Variants in MED13L observed in about 807,000 individuals in gnomAD.
The protein encoded by MED13L is mediator complex subunit 13L.
Under a neutral mutation model 220.9 loss-of-function variants are expected in MED13L, and 7 were observed. The observed-to-expected ratio is 0.03, with a 90% CI of 0.02 to 0.06. The LOEUF (loss-of-function observed/expected upper bound fraction) is 0.06, where lower values mean the gene tolerates loss of function less well. Ranked by LOEUF, MED13L falls within the 10% of genes least tolerant of loss-of-function variation. The probability of loss-of-function intolerance (pLI) is 1.00; values close to 1 mark genes in which losing one functional copy is unlikely to be tolerated. For synonymous variants in MED13L, 1,011 were observed against 1,015.2 expected (o/e 1.00, Z 0.08); for missense variants, 1,965 against 2,760.5 (o/e 0.71, Z 6.46).
chr12:116,160,568 G>A (rs1878778783), intron 2 of MED13L, among the ~76,000 whole-genome samples: 2 of 149,802 alleles, frequency 1.3e-5, no homozygotes, highest in African/African-American at 2.4e-5. Context: ...AGGCTGGACT[G>A]GATCCAAACT....
chr12:116,130,069 T>C (rs1042510496), intron 2 of MED13L, among the ~76,000 whole-genome samples: 1 of 152,192 alleles, frequency 6.6e-6, no homozygotes, highest in African/African-American at 2.4e-5. Flanking sequence ...ACCCTTGATA[T>C]CATAAACATT....
chr12:116,066,532 G>A (rs1357056715), intron 4 of MED13L, among the ~76,000 whole-genome samples: 1 of 152,102 alleles, frequency 6.6e-6, no homozygotes, highest in Non-Finnish European at 1.5e-5. Flanking sequence ...AAGGTATTGT[G>A]TGAGCATTTT....
chr12:116,181,784 C>T (rs1052079554), intron 2 of MED13L, among the ~76,000 whole-genome samples: 17 of 152,156 alleles, frequency 1.1e-4, no homozygotes, highest in Non-Finnish European at 1.9e-4. Context: ...GGATTACAGG[C>T]GTGAGCCACC....
chr12:116,134,708 A>G (rs993882732), intron 2 of MED13L, among the ~76,000 whole-genome samples: 10 of 152,226 alleles, frequency 6.6e-5, no homozygotes, highest in Non-Finnish European at 1.0e-4. Flanking sequence ...CTAAAAGACA[A>G]CATGTCTTTT....
chr12:116,200,606 C>G (rs568708008), intron 2 of MED13L, among the ~76,000 whole-genome samples: 1 of 152,174 alleles, frequency 6.6e-6, no homozygotes, highest in South Asian at 2.1e-4. Flanking sequence ...CCTCAATGAG[C>G]CTACACCCCA....
At chr12:116,213,725 T>C (rs1419608639) in intron 2 of MED13L, among the ~76,000 whole-genome samples, 7 of 152,240 alleles carry the variant, frequency 4.6e-5, no homozygotes, top group African/African-American at 1.7e-4. Context: ...AGGTCTTTTT[T>C]ATTTTTACCA....
intron 3 of MED13L, among the ~76,000 whole-genome samples, chr12:116,099,123 A>G (rs995963041): frequency 1.4e-4 from 21 of 152,286 alleles, no homozygotes; most frequent in African/African-American, 5.1e-4. Flanking sequence ...TTTGTAGATG[A>G]AGAAGCTGAG....
intron 4 of MED13L, among the ~76,000 whole-genome samples, chr12:116,062,421 G>C (rs1159755924): frequency 2.0e-5 from 3 of 150,562 alleles, no homozygotes; most frequent in African/African-American, 7.3e-5. Context: ...CCCTCTATTG[G>C]TTTTCTATTG....
chr12:115,980,832 G>C lies in MED13L; in HGVS notation c.5282C>G (p.Pro1761Arg). ...AFSVYCQCRR[P>R]LPTQIHIKSL... ...TTTAATGTGGATCTGTGTAGGCAGT[G>C]GTCGCCTGCACTGGCAGTACACTGA... The change falls in exon 23 of 31, where the codon CCA becomes CGA. Residue 1761 changes from proline (P) to arginine (R), a missense_variant. Physicochemically the swap from Pro to Arg is moderately radical, Grantham distance 103. Coordinates refer to ENST00000281928, the MANE Select transcript of MED13L (RefSeq NM_015335.5). 6.2e-7 allele frequency: 1 copy of C among 1,613,516 alleles called. No homozygotes were observed. Among genetic ancestry groups the C allele is most frequent in the Non-Finnish European group, 8.5e-7 (1 of 1,179,606 alleles).
At chr12:116,148,550 T>C (rs754080739) in intron 2 of MED13L, 3 of 321,432 alleles carry the variant, frequency 9.3e-6, no homozygotes, top group East Asian at 1.8e-4. Flanking sequence ...TGACAATCCA[T>C]ACTAAAAACT....
At chr12:115,979,063 T>G (rs1877149116) in intron 23 of MED13L, among the ~76,000 whole-genome samples, 1 of 152,196 alleles carries the variant, frequency 6.6e-6, no homozygotes, top group Non-Finnish European at 1.5e-5. Flanking sequence ...AAACACAATG[T>G]TCTCGCTGCA....
At chr12:116,031,727 A>AGG (rs1176142097) in intron 4 of MED13L, among the ~76,000 whole-genome samples, 862 of 82,502 alleles carry the variant, frequency 0.01, 21 homozygotes, top group African/African-American at 0.045. Flanking sequence ...AAAGAAAAGA[A>AGG]AAGAAAAGAA....
chr12:116,208,438 T>A (rs1882493181), intron 2 of MED13L, among the ~76,000 whole-genome samples: 1 of 152,230 alleles, frequency 6.6e-6, no homozygotes, highest in South Asian at 2.1e-4. Flanking sequence ...AAACACAGTT[T>A]GTTTTAATCC....
intron 1 of MED13L, among the ~76,000 whole-genome samples, chr12:116,274,247 A>T (rs1325077684): frequency 6.6e-6 from 1 of 152,180 alleles, no homozygotes; most frequent in Non-Finnish European, 1.5e-5. Flanking sequence ...CAGAAATCTT[A>T]AAGTGTCTGA....
intron 3 of MED13L, among the ~76,000 whole-genome samples, chr12:116,101,558 T>G (rs896102812): frequency 6.6e-6 from 1 of 152,206 alleles, no homozygotes; most frequent in South Asian, 2.1e-4. Flanking sequence ...ATCTACATAT[T>G]TCAATTCTTT....
At chr12:115,963,250 G>A (rs547935218) in intron 30 of MED13L, among the ~76,000 whole-genome samples, 157 bp downstream of exon 30, 28 of 152,278 alleles carry the variant, frequency 1.8e-4, no homozygotes, top group African/African-American at 6.7e-4. Flanking sequence ...ATGCAGCTAT[G>A]AGGGACTGCA....
intron 2 of MED13L, among the ~76,000 whole-genome samples, chr12:116,191,021 G>A (rs1386496850): frequency 6.6e-6 from 1 of 151,716 alleles, no homozygotes; most frequent in East Asian, 1.9e-4. Context: ...GAACCCAGGA[G>A]GCGGAGGTTG....
rs930322997 is a variant in MED13L, at chr12:116,129,920, AAAGAAAG to A, written c.311-18415_311-18409del. The stretch of plus-strand genomic sequence containing the variant: ...TGAGACTCAGTCTCAAAAAAAAAAA[AAAGAAAG>A]AAAGAAAGAAAGAAAGAATGAAATG... On this transcript the variant is annotated intron_variant, in intron 2 of 30. Coordinates refer to ENST00000281928, the MANE Select transcript of MED13L (RefSeq NM_015335.5). Among the ~76,000 whole-genome samples, 8 of 144,824 alleles carry A rather than the reference AAAGAAAG, an allele frequency of 5.5e-5. No homozygotes were observed. The South Asian group carries it at 8.5e-4, about 15-fold the overall frequency.
Position 116,008,770 on chromosome 12 carries a change from G to C in MED13L, c.1643C>G (p.Pro548Arg), listed in dbSNP as rs1411607709. ...TGGCAGAGGGGATATAGGGGAATGA[G>C]GTGAATCCATAGGATTCAGATTCAT... ...KQMNLNPMDS[P>R]HSPISPLPPT... Residue 548 changes from proline (P) to arginine (R), a missense_variant, in exon 10 of 31, where the codon CCT becomes CGT. This residue lies in a region of MED13L where 818 missense variants were observed against 1,041.2 expected (regional missense o/e 0.79). Coordinates refer to ENST00000281928, the MANE Select transcript of MED13L (RefSeq NM_015335.5). 1 of 1,614,016 alleles carries C rather than the reference G, an allele frequency of 6.2e-7. No individual in the cohort carries two copies.
Sources: gnomAD v4.1 joint callset for allele counts (sites outside exome capture counted in the v4.1 genomes callset) on GRCh38, gnomAD v4.1.1 for gene constraint, gnomAD v4.1.1 regional missense constraint, MANE v1.5 for transcripts, NCBI Gene and HGNC (gene_info 2026-07-23, HGNC 2026-07-21) for gene names.